Variants in GULP1 observed in about 807,000 individuals in gnomAD.
GULP1 encodes PTB domain-containing engulfment adapter protein 1.
A neutral mutation model predicts 40.9 loss-of-function variants in GULP1; 19 were observed. The observed-to-expected ratio is 0.46, with a 90% confidence interval of 0.32 to 0.68. The LOEUF (loss-of-function observed/expected upper bound fraction) is 0.68, where lower values mean the gene tolerates loss of function less well. Ranked by LOEUF, GULP1 falls within the 30% of genes least tolerant of loss-of-function variation. GULP1 has a pLI of 0.03. For missense variants in GULP1, 312 were observed against 362.2 expected (o/e 0.86, Z 1.12); for synonymous variants, 119 against 117.6 (o/e 1.01, Z -0.08).
At chr2:188,562,008 C>T (rs1696431584) in intron 7 of GULP1, among the ~76,000 whole-genome samples, 1 of 152,162 alleles carries the variant, frequency 6.6e-6, no homozygotes, top group African/African-American at 2.4e-5. Context: ...CAGCCCCACC[C>T]GTGGGAGCTT....
intron 2 of GULP1, among the ~76,000 whole-genome samples, chr2:188,405,480 A>G (rs924834949): frequency 6.6e-6 from 1 of 151,942 alleles, no homozygotes; most frequent in Non-Finnish European, 1.5e-5. Context: ...CAGCCCTCAC[A>G]GACTTAGGCT....
intron 11 of GULP1, chr2:188,589,729 A>T (rs765077480): frequency 2.2e-6 from 3 of 1,385,954 alleles, no homozygotes; most frequent in Non-Finnish European, 2.9e-6. Context: ...TACTGCTTTC[A>T]TGGTGGGTAG....
chr2:188,581,477 C>A (rs962430078), intron 9 of GULP1, among the ~76,000 whole-genome samples: 12 of 152,140 alleles, frequency 7.9e-5, no homozygotes, highest in South Asian at 2.1e-4. Flanking sequence ...TTATTACTTC[C>A]ATTTTGGCTG....
At chr2:188,356,221 C>A (rs990760852) in intron 1 of GULP1, among the ~76,000 whole-genome samples, 13 of 151,940 alleles carry the variant, frequency 8.6e-5, no homozygotes, top group Admixed American at 2.0e-4. Context: ...AAAAGGGCAT[C>A]CAAATTGGAA....
At chr2:188,302,463 G>A (rs2036296965) in intron 1 of GULP1, among the ~76,000 whole-genome samples, 1 of 152,062 alleles carries the variant, frequency 6.6e-6, no homozygotes, top group Non-Finnish European at 1.5e-5. Flanking sequence ...CAATTTCAGT[G>A]CCTGGTCTGA....
chr2:188,399,690 GAAAAAA>G (rs55877284), intron 2 of GULP1, among the ~76,000 whole-genome samples: 6 of 64,676 alleles, frequency 9.3e-5, no homozygotes, highest in African/African-American at 3.3e-4. Flanking sequence ...GTCCCTACAA[GAAAAAA>G]AAAAAAAAAA....
chr2:188,315,535 A>G (rs1008015695), intron 1 of GULP1, among the ~76,000 whole-genome samples: 1 of 152,030 alleles, frequency 6.6e-6, no homozygotes, highest in African/African-American at 2.4e-5. Context: ...TTTGTATTTA[A>G]TCATTGTCTT....
chr2:188,336,996 G>A (rs1171688845), intron 1 of GULP1, among the ~76,000 whole-genome samples: 2 of 152,130 alleles, frequency 1.3e-5, no homozygotes, highest in African/African-American at 4.8e-5. Context: ...TTCCAACTCT[G>A]TGATACCTTT....
At chr2:188,341,890 A>G (rs1238010126) in intron 1 of GULP1, among the ~76,000 whole-genome samples, 1 of 152,156 alleles carries the variant, frequency 6.6e-6, no homozygotes, top group Non-Finnish European at 1.5e-5. Context: ...TAACTCTACA[A>G]CTTGTGGTTT....
chr2:188,399,987 A>G (rs1244297645), intron 2 of GULP1, among the ~76,000 whole-genome samples: 1 of 152,190 alleles, frequency 6.6e-6, no homozygotes, highest in Non-Finnish European at 1.5e-5. Flanking sequence ...AACCACTAAT[A>G]TATTGCAATA....
intron 1 of GULP1, among the ~76,000 whole-genome samples, chr2:188,314,520 A>C (rs4128404): frequency 6.6e-6 from 1 of 151,986 alleles, no homozygotes; most frequent in Non-Finnish European, 1.5e-5. Flanking sequence ...GCCTCAGCCA[A>C]ATTTGTAGTC....
chr2:188,442,304 C>T (rs1017837539), intron 2 of GULP1, among the ~76,000 whole-genome samples: 7 of 152,052 alleles, frequency 4.6e-5, no homozygotes, highest in South Asian at 2.1e-4. Context: ...CTTTTAGTCA[C>T]GCCAGTAAAT....
chr2:188,486,471 A>C (rs2061870658), intron 4 of GULP1, among the ~76,000 whole-genome samples: 1 of 151,990 alleles, frequency 6.6e-6, no homozygotes, highest in African/African-American at 2.4e-5. Context: ...TAATCTGATA[A>C]ATTTAACAGA....
intron 7 of GULP1, among the ~76,000 whole-genome samples, chr2:188,559,538 C>T (rs1576091714): frequency 1.3e-5 from 2 of 152,174 alleles, no homozygotes; most frequent in East Asian, 3.9e-4. Flanking sequence ...CCTAGGGGAG[C>T]TGTGAGAAGA....
chr2:188,570,037 T>G lies in GULP1; in HGVS notation c.526T>G (p.Leu176Val), dbSNP rs775180915. The G allele has an allele frequency of 5.4e-6, 7 of 1,290,176 alleles. No homozygotes were observed. Among genetic ancestry groups the G allele is most frequent in the Non-Finnish European group, 7.7e-6 (7 of 907,078 alleles). The allele number at this position is 1,290,176 out of a possible 1,614,324, so 79.9% of individuals were successfully genotyped here. Reference sequence around the variant, plus strand: ...ATGATTTTCTTTTTAGATCCAAGACTTAGAAACAGAAAATATGGAACTTAA... The same window carrying G: ...ATGATTTTCTTTTTAGATCCAAGACGTAGAAACAGAAAATATGGAACTTAA... ...IAGLQKRIQD[L>V]ETENMELKNK... The change falls in exon 9 of 12, where the codon TTA becomes GTA. Residue 176 changes from leucine (L) to valine (V), a missense_variant. Coordinates refer to ENST00000409830, the MANE Select transcript of GULP1 (RefSeq NM_016315.4).
At chr2:188,520,397 G>C (rs1001641408) in intron 4 of GULP1, among the ~76,000 whole-genome samples, 3 of 151,912 alleles carry the variant, frequency 2.0e-5, no homozygotes, top group Admixed American at 2.0e-4. Flanking sequence ...TTACATGGGC[G>C]TGGTGGCGCG....
chr2:188,301,130 T>G (rs1328756004), intron 1 of GULP1, among the ~76,000 whole-genome samples: 1 of 152,172 alleles, frequency 6.6e-6, no homozygotes, highest in African/African-American at 2.4e-5. Context: ...TCCTCCCACT[T>G]CAGCCTCCCA....
chr2:188,319,223 TA>T (rs1362557668), intron 1 of GULP1, among the ~76,000 whole-genome samples: 10 of 152,094 alleles, frequency 6.6e-5, no homozygotes, highest in African/African-American at 2.4e-4. Context: ...TTTGTAAAAA[TA>T]AAAGTTTTTA....
At chr2:188,341,227 A>G (rs866929352) in intron 1 of GULP1, among the ~76,000 whole-genome samples, 1 of 152,042 alleles carries the variant, frequency 6.6e-6, no homozygotes, top group Non-Finnish European at 1.5e-5. Context: ...GCTTTTACTC[A>G]TGGTAGAAGG....
Sources: gnomAD v4.1 joint callset for allele counts (sites outside exome capture counted in the v4.1 genomes callset) on GRCh38, gnomAD v4.1.1 for gene constraint, MANE v1.5 for transcripts, NCBI Gene and HGNC (gene_info 2026-07-23, HGNC 2026-07-21) for gene names.